SH3GL3: variants seen among roughly 807,000 people sequenced by gnomAD.
The protein encoded by SH3GL3 is endophilin-A3.
Under a neutral mutation model 47.7 loss-of-function variants are expected in SH3GL3, and 33 were observed. The observed-to-expected ratio is 0.69, with a 90% CI of 0.52 to 0.92. SH3GL3 has a LOEUF of 0.92. SH3GL3 is among the 40% of genes least tolerant of loss of function. The pLI is 0.00. For synonymous variants in SH3GL3, 155 were observed against 148.8 expected (o/e 1.04, Z -0.30); for missense variants, 363 against 417.8 (o/e 0.87, Z 1.14).
In SH3GL3 at chr15:83,587,024, A is replaced by G. The variant is rs757183798; in HGVS notation, c.666A>G (p.Ala222=). The G allele has an allele frequency of 4.3e-6, 7 of 1,611,316 alleles. No homozygotes were observed. The highest frequency in any genetic ancestry group is 5.1e-6 in the Non-Finnish European group (6 of 1,178,912). Residue 222 remains alanine, a synonymous_variant, in exon 7 of 9, where the codon GCA becomes GCG. Coordinates refer to ENST00000427482, the MANE Select transcript of SH3GL3 (RefSeq NM_003027.5). ...VSQLAVFIEA[A]LDYHRQSTEI... ...AGTTGGCTGTGTTCATAGAGGCAGC[A>G]TTAGACTATCACAGACAGTCCACAG...
intron 1 of SH3GL3, among the ~76,000 whole-genome samples, chr15:83,465,696 T>C (rs189442586): frequency 2.6e-5 from 4 of 152,308 alleles, no homozygotes; most frequent in Admixed American, 6.5e-5. Flanking sequence ...TTACCCTTTC[T>C]TGTCTGTTAT....
At chr15:83,590,369 T>G (rs1196131707) in intron 8 of SH3GL3, among the ~76,000 whole-genome samples, 1 of 152,228 alleles carries the variant, frequency 6.6e-6, no homozygotes, top group Non-Finnish European at 1.5e-5. Flanking sequence ...TTGTGCCCTG[T>G]TGTGAAAAGT....
chr15:83,448,838 T>G lies in SH3GL3; in HGVS notation c.45+1260T>G, dbSNP rs2151482188. On this transcript the variant is annotated intron_variant, in intron 1 of 8. Coordinates refer to ENST00000427482, the MANE Select transcript of SH3GL3 (RefSeq NM_003027.5). This position sits in a 1 kb window ranked among gnomAD's most constrained non-coding sequence, Gnocchi z 4.2. ...TGATGCTGTTTCTAGCTGGGGGCAC[T>G]GGGTGGACAGTGGTGCTATTCAAGG... Among the ~76,000 whole-genome samples, 1 of 152,296 alleles carries G rather than the reference T, an allele frequency of 6.6e-6. No individual in the cohort carries two copies. The highest frequency in any genetic ancestry group is 1.9e-4 in the East Asian group (1 of 5,172).
intron 1 of SH3GL3, among the ~76,000 whole-genome samples, chr15:83,497,274 C>G (rs148599718): frequency 6.6e-6 from 1 of 152,128 alleles, no homozygotes; most frequent in East Asian, 1.9e-4. Context: ...CTTGTCTTCA[C>G]GCTCTCCTTT....
intron 8 of SH3GL3, among the ~76,000 whole-genome samples, chr15:83,616,455 T>A (rs1372448193): frequency 6.6e-6 from 1 of 151,886 alleles, no homozygotes; most frequent in Non-Finnish European, 1.5e-5. Context: ...AGGGTTTCAC[T>A]GTGTTCTCGA....
the SH3GL3 span, among the ~76,000 whole-genome samples, chr15:83,630,054 A>G: frequency 6.6e-6 from 1 of 152,148 alleles, no homozygotes; most frequent in Non-Finnish European, 1.5e-5. Context: ...AAGTCTCACA[A>G]GATCTGATAG....
chr15:83,475,394 G>A (rs2041050825), intron 1 of SH3GL3, among the ~76,000 whole-genome samples: 1 of 152,046 alleles, frequency 6.6e-6, no homozygotes, highest in South Asian at 2.1e-4. Context: ...CAGGAGAATC[G>A]TTTGAACCTG....
intron 1 of SH3GL3, among the ~76,000 whole-genome samples, chr15:83,462,933 A>G (rs534283445): frequency 1.4e-4 from 21 of 152,296 alleles, no homozygotes; most frequent in Admixed American, 1.1e-3. Flanking sequence ...GGTCCATCCT[A>G]GCACCCAGGG....
intron 1 of SH3GL3, among the ~76,000 whole-genome samples, chr15:83,458,319 T>C (rs548588473): frequency 6.6e-6 from 1 of 152,250 alleles, no homozygotes; most frequent in East Asian, 1.9e-4. Context: ...GGGAATTCCT[T>C]CCCAATTTCC....
chr15:83,515,773 A>T lies in SH3GL3; in HGVS notation c.46-43480A>T, dbSNP rs559468701. ...AAAATTACAAACCTAATAAAATTCA[A>T]ATTAACATCACTGAGTTAATGTCAT... On this transcript the variant is annotated intron_variant, in intron 1 of 8. Coordinates refer to ENST00000427482, the MANE Select transcript of SH3GL3 (RefSeq NM_003027.5). 5.9e-5 allele frequency among the ~76,000 whole-genome samples: 9 copies of T among 152,362 alleles called. No individual in the cohort carries two copies. In the South Asian group the frequency reaches 1.9e-3, roughly 32 times the overall value.
At chr15:83,482,124 A>G (rs1357142873) in intron 1 of SH3GL3, among the ~76,000 whole-genome samples, 1 of 152,036 alleles carries the variant, frequency 6.6e-6, no homozygotes, top group African/African-American at 2.4e-5. Context: ...GTATATATTG[A>G]TTTTACATAT....
At chr15:83,464,814 T>A (rs368960677) in intron 1 of SH3GL3, among the ~76,000 whole-genome samples, 1 of 152,118 alleles carries the variant, frequency 6.6e-6, no homozygotes, top group African/African-American at 2.4e-5. Flanking sequence ...CCTAACCAAT[T>A]TCCAGACCAG....
chr15:83,490,881 C>T, intron 1 of SH3GL3: 1 of 1,614,058 alleles, frequency 6.2e-7, no homozygotes, highest in Non-Finnish European at 8.5e-7. Context: ...CTAATAGGTG[C>T]CTTACCTGGA....
chr15:83,527,106 G>A (rs1382128588), intron 1 of SH3GL3, among the ~76,000 whole-genome samples: 1 of 152,036 alleles, frequency 6.6e-6, no homozygotes. Context: ...AGAGTTTTTT[G>A]GTGTAGTCTT....
Position 83,532,311 on chromosome 15 carries a change from C to T in SH3GL3, c.46-26942C>T, listed in dbSNP as rs10520581. On this transcript the variant is annotated intron_variant, in intron 1 of 8. Coordinates refer to ENST00000427482, the MANE Select transcript of SH3GL3 (RefSeq NM_003027.5). ...AGTCAGTAGCAAAATAGGTGATTAA[C>T]GAGTTCATGGTAATAGACAAAATCA... 0.012 allele frequency among the ~76,000 whole-genome samples: 1,753 copies of T among 152,178 alleles called. 81 individuals carry two copies. The East Asian group carries it at 0.16, about 14-fold the overall frequency.
chr15:83,469,519 G>T (rs2399141), intron 1 of SH3GL3, among the ~76,000 whole-genome samples: 127,839 of 152,130 alleles, frequency 0.84, 54,058 homozygotes, highest in African/African-American at 0.94. Context: ...ATATGTTGTA[G>T]TTTAATTTTC....
chr15:83,476,704 G>T (rs2041114923), intron 1 of SH3GL3, among the ~76,000 whole-genome samples: 1 of 152,212 alleles, frequency 6.6e-6, no homozygotes, highest in Non-Finnish European at 1.5e-5. Context: ...TTACCTACTT[G>T]TTGTCTCTGG....
intron 5 of SH3GL3, among the ~76,000 whole-genome samples, chr15:83,574,845 C>T (rs1240470114): frequency 1.3e-5 from 2 of 152,208 alleles, no homozygotes; most frequent in Admixed American, 6.5e-5. Flanking sequence ...GTCACCTCAC[C>T]CCTCAGCTCG....
rs2039504409 is a variant in SH3GL3, at chr15:83,447,681, C to G, written c.45+103C>G. 1 of 803,900 alleles carries G rather than the reference C, an allele frequency of 1.2e-6. No individual in the cohort carries two copies. Among genetic ancestry groups the G allele is most frequent in the African/African-American group, 1.8e-5 (1 of 54,784 alleles). The allele number at this position is 803,900 out of a possible 1,614,324, so 49.8% of individuals were successfully genotyped here. On this transcript the variant is annotated intron_variant, in intron 1 of 8. Transcript: ENST00000427482. This position sits in a 1 kb window ranked among gnomAD's most constrained non-coding sequence, Gnocchi z 5.1. Reference sequence around the variant, plus strand: ...CTCCTGTTCCCTGAAGGGCCTCTCTCGGGGCTCAATTTCTTCCCGCCTAGG... The same window carrying G: ...CTCCTGTTCCCTGAAGGGCCTCTCTGGGGGCTCAATTTCTTCCCGCCTAGG...
Sources: allele counts gnomAD v4.1 joint callset (sites outside exome capture counted in the v4.1 genomes callset), GRCh38; gene constraint gnomAD v4.1.1; non-coding constraint Gnocchi (gnomAD v3.1); transcripts MANE v1.5; gene names NCBI Gene and HGNC (gene_info 2026-07-23, HGNC 2026-07-21).